SAXO5: variants seen among roughly 807,000 people sequenced by gnomAD.
The protein encoded by SAXO5 is stabilizer of axonemal microtubules 5.
the SAXO5 span, chr19:7,504,163 G>C: frequency 6.2e-7 from 1 of 1,613,814 alleles, no homozygotes; most frequent in Admixed American, 1.7e-5. Flanking sequence ...AGACAAGATG[G>C]GACTTCCTAC....
the SAXO5 span, among the ~76,000 whole-genome samples, chr19:7,507,727 G>A: frequency 1.1e-4 from 16 of 152,004 alleles, no homozygotes. Context: ...CCCCAGCCCT[G>A]GAGTCCTTCC....
the SAXO5 span, among the ~76,000 whole-genome samples, chr19:7,499,112 G>A: frequency 6.6e-6 from 1 of 151,960 alleles, no homozygotes; most frequent in Non-Finnish European, 1.5e-5. Flanking sequence ...AGGAGTTCGA[G>A]ACCAGCCTGA....
At chr19:7,508,109 GC>G in the SAXO5 span, 11 of 990,612 alleles carry the variant, frequency 1.1e-5, no homozygotes, top group South Asian at 1.5e-5. Flanking sequence ...GCCTGGCCCC[GC>G]CCCCTGACTC....
At chr19:7,500,697 T>C in the SAXO5 span, 2 of 898,434 alleles carry the variant, frequency 2.2e-6, no homozygotes, top group East Asian at 3.2e-5. Flanking sequence ...AGCTCAGTGC[T>C]TGGCGAACAG....
the SAXO5 span, chr19:7,506,256 G>T: frequency 2.0e-6 from 2 of 991,424 alleles, no homozygotes; most frequent in African/African-American, 3.5e-5. Flanking sequence ...CCCTCCCCAT[G>T]GAGCCCCGCC....
chr19:7,506,119 G>C, the SAXO5 span: 6 of 1,612,536 alleles, frequency 3.7e-6, no homozygotes, highest in Non-Finnish European at 5.1e-6. Flanking sequence ...TGCAGAAAGC[G>C]CCCAACCTCC....
At chr19:7,506,218 AC>A in the SAXO5 span, 61 of 1,060,100 alleles carry the variant, frequency 5.8e-5, 1 homozygote, top group Admixed American at 1.6e-3. Flanking sequence ...GGGAAGCCCC[AC>A]CCCCGAAAGC....
At chr19:7,498,392 TC>T in the SAXO5 span, among the ~76,000 whole-genome samples, 2 of 123,358 alleles carry the variant, frequency 1.6e-5, no homozygotes, top group East Asian at 2.1e-4. Flanking sequence ...TGTATTTTTT[TC>T]TTTTTTTTTT....
the SAXO5 span, chr19:7,506,279 C>A: frequency 2.1e-6 from 2 of 938,934 alleles, no homozygotes; most frequent in African/African-American, 3.4e-5. Flanking sequence ...CACGGAGCCC[C>A]GTCCCGGGAA....
At chr19:7,508,368 A>T in the SAXO5 span, 33 of 1,613,746 alleles carry the variant, frequency 2.0e-5, no homozygotes, top group African/African-American at 4.1e-4. Flanking sequence ...GCGCGGCTGC[A>T]GGGAGAAGAT....
the SAXO5 span, chr19:7,505,573 T>G: frequency 1.2e-6 from 2 of 1,614,196 alleles, no homozygotes; most frequent in East Asian, 4.5e-5. Flanking sequence ...GAAAGGAAAT[T>G]GGTGCCCCGG....
chr19:7,502,036 G>T, the SAXO5 span, among the ~76,000 whole-genome samples: 1 of 151,356 alleles, frequency 6.6e-6, no homozygotes, highest in African/African-American at 2.4e-5. Context: ...GGCCAGAATT[G>T]GAGACCAGCC....
At chr19:7,502,932 C>T in the SAXO5 span, among the ~76,000 whole-genome samples, 1 of 152,058 alleles carries the variant, frequency 6.6e-6, no homozygotes, top group Non-Finnish European at 1.5e-5. Context: ...GGTCAGAGGC[C>T]CCTAAGATGG....
At chr19:7,504,046 C>A in the SAXO5 span, 13 of 1,069,882 alleles carry the variant, frequency 1.2e-5, no homozygotes, top group African/African-American at 1.6e-5. Flanking sequence ...AAATAGAATT[C>A]CTTCCAGAGG....
chr19:7,505,449 G>C, the SAXO5 span: 20 of 1,613,800 alleles, frequency 1.2e-5, no homozygotes, highest in Non-Finnish European at 1.7e-5. Context: ...GAGAGCCTGA[G>C]GCCCGCCCCG....
At chr19:7,499,392 G>A in the SAXO5 span, among the ~76,000 whole-genome samples, 1 of 146,898 alleles carries the variant, frequency 6.8e-6, no homozygotes, top group Non-Finnish European at 1.5e-5. Context: ...GCGGGGGAGG[G>A]GGAGAGAAGG....
At chr19:7,506,825 C>G in the SAXO5 span, 1 of 530,100 alleles carries the variant, frequency 1.9e-6, no homozygotes, top group Admixed American at 3.3e-5. Flanking sequence ...TCTTCCCCAG[C>G]GCCTACCTCT....
chr19:7,498,201 C>A, the SAXO5 span, among the ~76,000 whole-genome samples: 1 of 127,486 alleles, frequency 7.8e-6, no homozygotes, highest in African/African-American at 3.3e-5. Context: ...ACACACACAC[C>A]CTTCATCCAT....
the SAXO5 span, among the ~76,000 whole-genome samples, chr19:7,503,677 G>T: frequency 6.6e-6 from 1 of 152,098 alleles, no homozygotes; most frequent in African/African-American, 2.4e-5. Context: ...TAGGGATGGG[G>T]TTTCACCGTA....
Sources: gnomAD v4.1 joint callset for allele counts (sites outside exome capture counted in the v4.1 genomes callset) on GRCh38, gnomAD v4.1.1 for gene constraint, MANE v1.5 for transcripts, NCBI Gene and HGNC (gene_info 2026-07-23, HGNC 2026-07-21) for gene names.